LEMD3: variants seen among roughly 807,000 people sequenced by gnomAD.
LEMD3 encodes inner nuclear membrane protein Man1.
In LEMD3, 33 loss-of-function variants were observed where a neutral mutation model predicts 95.2. That is an observed-to-expected ratio of 0.35 (90% confidence interval 0.26 to 0.46). LEMD3 has a LOEUF of 0.46. Among genes scored for constraint, LEMD3 ranks in the 20% least tolerant of loss-of-function variants. The pLI, the probability that LEMD3 is intolerant of heterozygous loss-of-function variation, is 1.00. For missense variants in LEMD3, 1,210 were observed against 1,192.8 expected (o/e 1.01, Z -0.21); for synonymous variants, 525 against 474.6 (o/e 1.11, Z -1.38).
chr12:65,201,628 G>T (rs1458754845), intron 1 of LEMD3, among the ~76,000 whole-genome samples: 2 of 152,066 alleles, frequency 1.3e-5, no homozygotes, highest in Non-Finnish European at 2.9e-5. Flanking sequence ...GTTGACTTTT[G>T]TCTATTAACC....
chr12:65,211,196 C>G (rs1869928114), intron 2 of LEMD3, among the ~76,000 whole-genome samples: 1 of 152,168 alleles, frequency 6.6e-6, no homozygotes, highest in Non-Finnish European at 1.5e-5. Context: ...CAGATTTTCT[C>G]TTAAGAGCTG....
At chr12:65,237,088 AATAC>A in intron 4 of LEMD3, among the ~76,000 whole-genome samples, 1 of 152,224 alleles carries the variant, frequency 6.6e-6, no homozygotes, top group Non-Finnish European at 1.5e-5. Flanking sequence ...ATGTATTACA[AATAC>A]ATGTTTATAT....
intron 1 of LEMD3, among the ~76,000 whole-genome samples, chr12:65,186,090 T>A (rs2136321806): frequency 6.6e-6 from 1 of 152,232 alleles, no homozygotes; most frequent in Non-Finnish European, 1.5e-5. Context: ...GTTATCTCTC[T>A]CCATGCTGCT....
intron 1 of LEMD3, among the ~76,000 whole-genome samples, chr12:65,194,679 A>G (rs899602996): frequency 2.6e-5 from 4 of 151,954 alleles, no homozygotes. Flanking sequence ...CGCCAGGATA[A>G]TGTCTGGTAA....
At chr12:65,210,777 AACCTTT>A in intron 1 of LEMD3, 143 bp from the exon 2 acceptor site, 1 of 745,260 alleles carries the variant, frequency 1.3e-6, no homozygotes, top group Non-Finnish European at 2.5e-6. Flanking sequence ...TTACTTCCCT[AACCTTT>A]ATTATCACCA....
intron 2 of LEMD3, among the ~76,000 whole-genome samples, chr12:65,215,531 G>A (rs1334933446): frequency 6.6e-6 from 1 of 152,148 alleles, no homozygotes; most frequent in Non-Finnish European, 1.5e-5. Flanking sequence ...CCTAGGAGAG[G>A]ACTGAGTATC....
In LEMD3 at chr12:65,246,445, A is replaced by C. The variant is rs1237177069; in HGVS notation, c.*120A>C. On this transcript the variant is annotated 3_prime_UTR_variant, in exon 13 of 13. Transcript: ENST00000308330. ...ATTTTTATTGATGAATACATCTCTG[A>C]ACGTTCCAGAAGTCTTAAGGTTCCA... 5.0e-6 allele frequency: 4 copies of C among 806,922 alleles called. No homozygotes were observed. The highest frequency in any genetic ancestry group is 8.4e-6 in the Non-Finnish European group (4 of 477,726). 50.0% of individuals were successfully genotyped at this position (806,922 alleles called of 1,614,324 possible). A position where few individuals can be genotyped will look rare whatever the true frequency, so the allele number is the denominator to read the frequency against.
intron 1 of LEMD3, among the ~76,000 whole-genome samples, chr12:65,191,698 C>CA (rs532684570): frequency 6.6e-6 from 1 of 151,912 alleles, no homozygotes; most frequent in Non-Finnish European, 1.5e-5. Flanking sequence ...TTTGGGAGGC[C>CA]AAGGCAGGCA....
intron 10 of LEMD3, 177 bp from the exon 11 acceptor site, chr12:65,245,492 T>C: frequency 1.7e-6 from 1 of 602,860 alleles, no homozygotes; most frequent in Non-Finnish European, 2.9e-6. Context: ...ACTTCTGAAT[T>C]GTAATTTTTA....
chr12:65,223,822 C>CT (rs1372439981), intron 4 of LEMD3, among the ~76,000 whole-genome samples: 14 of 127,214 alleles, frequency 1.1e-4, no homozygotes, highest in Admixed American at 4.1e-4. Flanking sequence ...ATATCTTACT[C>CT]TTTTTTGTGT....
At chr12:65,240,731 C>G (rs1592463457) in intron 8 of LEMD3, 178 bp from the exon 9 acceptor site, 2 of 626,432 alleles carry the variant, frequency 3.2e-6, no homozygotes, top group African/African-American at 1.8e-5. Flanking sequence ...TGTGCTCTAG[C>G]TCTGGAAATT....
chr12:65,196,328 A>G (rs1039829634), intron 1 of LEMD3, among the ~76,000 whole-genome samples: 2 of 152,016 alleles, frequency 1.3e-5, no homozygotes, highest in Non-Finnish European at 2.9e-5. Context: ...TCTTCTGCAC[A>G]CCAAAAAAAA....
chr12:65,217,441 C>T (rs1237798159), intron 3 of LEMD3, among the ~76,000 whole-genome samples: 2 of 152,204 alleles, frequency 1.3e-5, no homozygotes, highest in Non-Finnish European at 2.9e-5. Context: ...ATAGGTACTT[C>T]TCCCCTTTTT....
At chr12:65,218,656 TA>T in intron 4 of LEMD3, 37 bp downstream of exon 4, 2 of 1,160,950 alleles carry the variant, frequency 1.7e-6, no homozygotes, top group Non-Finnish European at 2.5e-6. Context: ...AGCTATATTT[TA>T]AAAAATTATA....
chr12:65,225,850 G>A (rs769998370), intron 4 of LEMD3, among the ~76,000 whole-genome samples: 3 of 152,182 alleles, frequency 2.0e-5, no homozygotes, highest in Non-Finnish European at 4.4e-5. Context: ...AAAGTGCAGC[G>A]ATTACAGGCA....
Position 65,186,650 on chromosome 12 carries a change from T to TC in LEMD3, c.1522+15533dup, listed in dbSNP as rs752006537. ...AGATTGCTTTTTTTTTTTTTTTTTT[T>TC]CGACACCTGTTTTCTTTAAAATTCC... On this transcript the variant is annotated intron_variant, in intron 1 of 12. Coordinates refer to ENST00000308330, the MANE Select transcript of LEMD3 (RefSeq NM_014319.5). Among the ~76,000 whole-genome samples, 87 of 147,064 alleles carry TC rather than the reference T, an allele frequency of 5.9e-4. 1 individual carries two copies. The highest frequency in any genetic ancestry group is 6.9e-3 in the Middle Eastern group (2 of 288).
At chr12:65,204,054 TA>T (rs1869686998) in intron 1 of LEMD3, among the ~76,000 whole-genome samples, 1 of 152,194 alleles carries the variant, frequency 6.6e-6, no homozygotes, top group Non-Finnish European at 1.5e-5. Context: ...ACAGACAACT[TA>T]TACTTGGGTC....
At chr12:65,228,863 A>G (rs1870538047) in intron 4 of LEMD3, among the ~76,000 whole-genome samples, 1 of 152,226 alleles carries the variant, frequency 6.6e-6, no homozygotes, top group Non-Finnish European at 1.5e-5. Context: ...TCTTTTAGCT[A>G]TTTGAAAATA....
chr12:65,171,397 G>A, intron 1 of LEMD3: 1 of 427,830 alleles, frequency 2.3e-6, no homozygotes, highest in South Asian at 2.2e-5. Flanking sequence ...ATTTGTATAT[G>A]TGACAATTCT....
Sources: gnomAD v4.1 joint callset for allele counts (sites outside exome capture counted in the v4.1 genomes callset) on GRCh38, gnomAD v4.1.1 for gene constraint, MANE v1.5 for transcripts, NCBI Gene and HGNC (gene_info 2026-07-23, HGNC 2026-07-21) for gene names.